The following CPXM2 variants were observed in gnomAD, a reference collection of about 807,000 sequenced individuals.
The protein encoded by CPXM2 is carboxypeptidase X, M14 family member 2.
In CPXM2, 66 loss-of-function variants were observed where a neutral mutation model predicts 86.1. That is an observed-to-expected ratio of 0.77 (90% CI 0.63 to 0.94). The LOEUF is 0.94. Ranked by LOEUF, CPXM2 falls within the 40% of genes least tolerant of loss-of-function variation. CPXM2 has a pLI of 0.00. For synonymous variants in CPXM2, 388 were observed against 400.2 expected (o/e 0.97, Z 0.36); for missense variants, 948 against 1,026.3 (o/e 0.92, Z 1.04).
chr10:123,747,073 G>A lies in CPXM2; in HGVS notation c.2018-56C>T, dbSNP rs181757004. ...AGCAGCTCTTGCTAATGCAGATCCC[G>A]CCAGCCCTCCTCCAAGACCAGCTCC... On this transcript the variant is annotated intron_variant, in intron 13 of 13. Transcript: ENST00000241305. The A allele has an allele frequency of 1.9e-4, 298 of 1,577,736 alleles. 1 individual carries two copies. The East Asian group carries it at 5.1e-3, about 27-fold the overall frequency.
chr10:123,935,984 TACC>T (rs1231117233), intron 2 of CPXM2, among the ~76,000 whole-genome samples: 1 of 16,540 alleles, frequency 6.0e-5, no homozygotes, highest in African/African-American at 2.9e-4. Flanking sequence ...CCATCATCAC[TACC>T]ACCACCATCA....
At chr10:123,832,195 G>T (rs1848181400) in intron 4 of CPXM2, among the ~76,000 whole-genome samples, 1 of 152,074 alleles carries the variant, frequency 6.6e-6, no homozygotes, top group South Asian at 2.1e-4. Flanking sequence ...TGCTTTCATG[G>T]GCCCCTAAAG....
At chr10:123,768,101 C>T (rs1271412316) in intron 9 of CPXM2, among the ~76,000 whole-genome samples, 2 of 152,146 alleles carry the variant, frequency 1.3e-5, no homozygotes, top group African/African-American at 4.8e-5. Flanking sequence ...AAATAAAACT[C>T]GTGTGGCCAG....
intron 8 of CPXM2, 76 bp downstream of exon 8, chr10:123,770,840 G>A: frequency 6.9e-7 from 1 of 1,439,504 alleles, no homozygotes; most frequent in Non-Finnish European, 9.4e-7. Context: ...TCTTCTCATA[G>A]GGTGAACAGT....
chr10:123,759,794 A>C (rs1846292885), intron 11 of CPXM2, among the ~76,000 whole-genome samples: 1 of 152,240 alleles, frequency 6.6e-6, no homozygotes, highest in Non-Finnish European at 1.5e-5. Context: ...GAGAAGGTGC[A>C]GGGTTGCAGG....
chr10:123,748,768 C>T (rs1405338383), intron 13 of CPXM2, among the ~76,000 whole-genome samples: 2 of 152,072 alleles, frequency 1.3e-5, no homozygotes, highest in African/African-American at 4.8e-5. Flanking sequence ...GTGACTCGAG[C>T]CTCGCAGCAA....
intron 4 of CPXM2, among the ~76,000 whole-genome samples, chr10:123,827,760 C>A (rs1381520115): frequency 6.6e-6 from 1 of 152,102 alleles, no homozygotes; most frequent in Non-Finnish European, 1.5e-5. Flanking sequence ...ATAGCTAAAA[C>A]AATTTCTTAA....
chr10:123,777,414 C>T (rs1846818818), intron 7 of CPXM2: 1 of 152,574 alleles, frequency 6.6e-6, no homozygotes, highest in African/African-American at 2.4e-5. Context: ...TCTCTCTCCC[C>T]AACTCACTCC....
chr10:123,864,697 G>A (rs557172267), intron 2 of CPXM2, among the ~76,000 whole-genome samples: 86 of 152,064 alleles, frequency 5.7e-4, no homozygotes, highest in Non-Finnish European at 1.2e-3. Flanking sequence ...CCCACCAGAT[G>A]GACAGGCAGA....
chr10:123,808,762 G>A (rs1303208468), intron 4 of CPXM2, among the ~76,000 whole-genome samples: 3 of 152,064 alleles, frequency 2.0e-5, no homozygotes, highest in Non-Finnish European at 2.9e-5. Flanking sequence ...GAAAAAGGCA[G>A]CATAAACAAA....
chr10:123,908,846 T>G (rs1436491160), intron 2 of CPXM2, among the ~76,000 whole-genome samples: 1 of 152,148 alleles, frequency 6.6e-6, no homozygotes, highest in African/African-American at 2.4e-5. Context: ...ATTTGTTAAA[T>G]GTACAATCTA....
chr10:123,752,369 G>A, intron 13 of CPXM2: 7 of 984,944 alleles, frequency 7.1e-6, no homozygotes, highest in Non-Finnish European at 8.4e-6. Context: ...GGAATGTTCA[G>A]AAAATATTAT....
At chr10:123,763,465 G>A (rs1308515586) in intron 10 of CPXM2, among the ~76,000 whole-genome samples, 1 of 151,968 alleles carries the variant, frequency 6.6e-6, no homozygotes, top group Non-Finnish European at 1.5e-5. Flanking sequence ...CCTAAGTGAT[G>A]TGATTCTCAT....
At chr10:123,810,393 T>TTA (rs1847665397) in intron 4 of CPXM2, among the ~76,000 whole-genome samples, 2 of 152,094 alleles carry the variant, frequency 1.3e-5, no homozygotes, top group East Asian at 3.9e-4. Context: ...ATAAAAACCT[T>TTA]TATGTAATGA....
chr10:123,768,055 C>T (rs1424068737), intron 9 of CPXM2, among the ~76,000 whole-genome samples: 2 of 152,172 alleles, frequency 1.3e-5, no homozygotes, highest in Non-Finnish European at 2.9e-5. Flanking sequence ...TTTTCATAAA[C>T]CTTGTAGGCT....
At chr10:123,828,940 T>G (rs998223845) in intron 4 of CPXM2, among the ~76,000 whole-genome samples, 1 of 152,132 alleles carries the variant, frequency 6.6e-6, no homozygotes, top group African/African-American at 2.4e-5. Context: ...AGACAAAATA[T>G]TGACTGGGAG....
At chr10:123,851,203 C>G (rs1848591461) in intron 3 of CPXM2, among the ~76,000 whole-genome samples, 1 of 152,158 alleles carries the variant, frequency 6.6e-6, no homozygotes, top group South Asian at 2.1e-4. Context: ...GACCATGTTC[C>G]CCACCACCAC....
At chr10:123,778,789 A>G (rs1469559530) in intron 7 of CPXM2, among the ~76,000 whole-genome samples, 1 of 152,220 alleles carries the variant, frequency 6.6e-6, no homozygotes, top group East Asian at 1.9e-4. Flanking sequence ...CATAAAATGG[A>G]ATGGCAAGCA....
At position 123,750,220 on chromosome 10, in the gene CPXM2, A is replaced by C. The variant is rs1454170517; in HGVS notation, c.2018-3203T>G. On this transcript the variant is annotated intron_variant, in intron 13 of 13. Transcript: ENST00000241305. ...ATAAGCCCTCTAATTTTTGAGGAGA[A>C]ATAGACAAGCAGGTGGAGACAGTGT... The C allele has an allele frequency of 6.1e-6, 6 of 985,244 alleles. No individual in the cohort carries two copies. The East Asian group carries it at 4.5e-4, about 74-fold the overall frequency. 61.0% of individuals were successfully genotyped at this position (985,244 alleles called of 1,614,324 possible).
Sources: gnomAD v4.1 joint callset for allele counts (sites outside exome capture counted in the v4.1 genomes callset) on GRCh38, gnomAD v4.1.1 for gene constraint, MANE v1.5 for transcripts, NCBI Gene and HGNC (gene_info 2026-07-23, HGNC 2026-07-21) for gene names.